ATP13A5: variants seen among roughly 807,000 people sequenced by gnomAD.
The protein encoded by ATP13A5 is ATPase 13A5.
ATP13A5 carries 149 observed loss-of-function variants against 150.2 expected under a neutral mutation model. The ratio of observed to expected loss-of-function variants is 0.99; its 90% confidence interval spans 0.87 to 1.14. The LOEUF (loss-of-function observed/expected upper bound fraction) is 1.14, where lower values mean the gene tolerates loss of function less well. Ranked by LOEUF, ATP13A5 falls within the 50% of genes most tolerant of loss-of-function variation. The pLI, the probability that ATP13A5 is intolerant of heterozygous loss-of-function variation, is 0.00. For missense variants in ATP13A5, 1,383 were observed against 1,449.3 expected, an observed-to-expected ratio of 0.95 and a Z score of 0.74; for synonymous variants, 497 against 522.2, an observed-to-expected ratio of 0.95 and a Z score of 0.66.
intron 27 of ATP13A5, among the ~76,000 whole-genome samples, chr3:193,282,057 G>A (rs977090824): frequency 9.2e-5 from 14 of 152,078 alleles, no homozygotes; most frequent in South Asian, 2.1e-4. Context: ...TTAGCCAGGC[G>A]TGGTGGCGGG....
intron 23 of ATP13A5, among the ~76,000 whole-genome samples, chr3:193,301,550 A>G (rs1178763457): frequency 6.6e-6 from 1 of 152,188 alleles, no homozygotes; most frequent in Admixed American, 6.5e-5. Context: ...TTATGCTAAG[A>G]GTCATAGAGG....
At chr3:193,328,840 T>A (rs1711515548) in intron 12 of ATP13A5, among the ~76,000 whole-genome samples, 1 of 152,178 alleles carries the variant, frequency 6.6e-6, no homozygotes, top group Non-Finnish European at 1.5e-5. Context: ...AGATGAAAAT[T>A]CAATTAATGG....
rs1711802341 is a variant in ATP13A5 at position 193,335,074 on chromosome 3, T to C, written c.969A>G (p.Thr323=). 1 of 1,613,860 alleles carries C rather than the reference T, an allele frequency of 6.2e-7. No homozygotes were observed. The highest frequency in any genetic ancestry group is 1.3e-5 in the African/African-American group (1 of 75,032). The change falls in exon 10 of 30, where the codon ACA becomes ACG. Residue 323 remains threonine (T), a synonymous_variant. Transcript: ENST00000342358. ...LTGESIPVTK[T]PLPQMENTMP... is the part of the protein sequence containing the mutation. ...TAGTGTTCTCCATCTGGGGCAATGG[T>C]GTCTTTGTAACAGGTATACTTTCTC...
chr3:193,295,615 T>A (rs371135795), intron 25 of ATP13A5, among the ~76,000 whole-genome samples: 6 of 152,094 alleles, frequency 3.9e-5, no homozygotes, highest in African/African-American at 7.2e-5. Context: ...AACACTTGTA[T>A]AAGGGAATGT....
chr3:193,347,212 A>G (rs1038110392), intron 7 of ATP13A5, among the ~76,000 whole-genome samples: 3 of 152,212 alleles, frequency 2.0e-5, no homozygotes, highest in Non-Finnish European at 2.9e-5. Context: ...TTTATTATTT[A>G]TAAATAGTTT....
intron 13 of ATP13A5, 105 bp downstream of exon 13, chr3:193,326,891 A>G: frequency 1.1e-6 from 1 of 941,612 alleles, no homozygotes; most frequent in Non-Finnish European, 1.7e-6. Flanking sequence ...CAACTATTGT[A>G]TATATTTTAT....
At chr3:193,302,211 AAAG>A (rs1718428903) in intron 23 of ATP13A5, among the ~76,000 whole-genome samples, 2 of 152,290 alleles carry the variant, frequency 1.3e-5, no homozygotes, top group East Asian at 1.9e-4. Context: ...AGGGACATGA[AAAG>A]AAGAACCTAA....
intron 9 of ATP13A5, among the ~76,000 whole-genome samples, chr3:193,337,112 C>T (rs905826642): frequency 1.3e-5 from 2 of 151,694 alleles, no homozygotes; most frequent in East Asian, 1.9e-4. Flanking sequence ...AATTTGTTGG[C>T]GTTCTTTGTA....
At chr3:193,338,966 G>A (rs1163730256) in intron 9 of ATP13A5, among the ~76,000 whole-genome samples, 1 of 151,964 alleles carries the variant, frequency 6.6e-6, no homozygotes, top group Non-Finnish European at 1.5e-5. Flanking sequence ...GTCTTGGGAG[G>A]GTGTATATGT....
chr3:193,369,125 T>C (rs1167325610), intron 1 of ATP13A5, among the ~76,000 whole-genome samples: 1 of 151,998 alleles, frequency 6.6e-6, no homozygotes, highest in African/African-American at 2.4e-5. Flanking sequence ...ACACCTGTTG[T>C]CCCAGTTCCT....
chr3:193,293,936 G>T (rs1341133334), intron 25 of ATP13A5, among the ~76,000 whole-genome samples: 3 of 152,072 alleles, frequency 2.0e-5, no homozygotes, highest in Non-Finnish European at 2.9e-5. Flanking sequence ...GGAATGGCTG[G>T]CCTAAATGGA....
intron 27 of ATP13A5, among the ~76,000 whole-genome samples, chr3:193,281,823 C>T (rs1359988739): frequency 1.3e-5 from 2 of 151,958 alleles, no homozygotes; most frequent in African/African-American, 4.8e-5. Flanking sequence ...TGAATTTACC[C>T]ACAAGCTTTA....
intron 9 of ATP13A5, among the ~76,000 whole-genome samples, chr3:193,339,330 G>T (rs1255801462): frequency 1.3e-5 from 2 of 152,036 alleles, no homozygotes; most frequent in East Asian, 1.9e-4. Context: ...TGATGTTAGG[G>T]TGTCAACTTT....
chr3:193,348,783 T>C, intron 7 of ATP13A5, among the ~76,000 whole-genome samples: 1 of 152,202 alleles, frequency 6.6e-6, no homozygotes, highest in East Asian at 1.9e-4. Flanking sequence ...TGCTCCTTCT[T>C]TCAGTCCTGC....
At chr3:193,363,177 C>T (rs1301318142) in intron 3 of ATP13A5, 59 bp downstream of exon 3, 12 of 1,527,216 alleles carry the variant, frequency 7.9e-6, no homozygotes, top group Middle Eastern at 3.5e-4. Context: ...ATTTAATAAA[C>T]AGTTATTTTA....
intron 7 of ATP13A5, among the ~76,000 whole-genome samples, chr3:193,348,080 T>C (rs958590420): frequency 8.5e-5 from 13 of 152,202 alleles, no homozygotes; most frequent in Non-Finnish European, 1.3e-4. Context: ...AGTGGGATAA[T>C]GTTAGCCTCC....
In ATP13A5 at chr3:193,354,212, C is replaced by T; in HGVS notation, c.537-16G>A. 1 of 1,607,424 alleles carries T rather than the reference C, an allele frequency of 6.2e-7. No individual in the cohort carries two copies. The highest frequency in any genetic ancestry group is 8.5e-7 in the Non-Finnish European group (1 of 1,177,816). On this transcript the variant is annotated splice_polypyrimidine_tract_variant and intron_variant, in intron 5 of 29. Transcript: ENST00000342358. ...CACTAATCTTCTGCGGGAAATTGATCATCCATTAGTGTCATAGCTACAAGC... is the reference window on the plus strand; with the variant it reads ...CACTAATCTTCTGCGGGAAATTGATTATCCATTAGTGTCATAGCTACAAGC...
At chr3:193,314,819 G>A (rs1560128467) in intron 18 of ATP13A5, among the ~76,000 whole-genome samples, 153 bp downstream of exon 18, 2 of 152,180 alleles carry the variant, frequency 1.3e-5, no homozygotes, top group African/African-American at 4.8e-5. Flanking sequence ...CGGGGCAGCT[G>A]CACATGTTTT....
At chr3:193,290,999 G>A (rs1201252281) in intron 25 of ATP13A5, among the ~76,000 whole-genome samples, 1 of 152,054 alleles carries the variant, frequency 6.6e-6, no homozygotes, top group Non-Finnish European at 1.5e-5. Context: ...GAAGAAGTGG[G>A]GTGTGCATAT....
Sources: gnomAD v4.1 joint callset for allele counts (sites outside exome capture counted in the v4.1 genomes callset) on GRCh38, gnomAD v4.1.1 for gene constraint, MANE v1.5 for transcripts, NCBI Gene and HGNC (gene_info 2026-07-23, HGNC 2026-07-21) for gene names.